COL4A4: variants seen among roughly 807,000 people sequenced by gnomAD.
COL4A4 encodes collagen alpha-4(IV) chain.
In COL4A4, 105 loss-of-function variants were observed where a neutral mutation model predicts 192.9. The ratio of observed to expected loss-of-function variants is 0.54; its 90% CI spans 0.46 to 0.64. COL4A4 has a LOEUF of 0.64. Among genes scored for constraint, COL4A4 ranks in the 30% least tolerant of loss-of-function variants. The probability of loss-of-function intolerance (pLI) is 0.00; values close to 1 mark genes in which losing one functional copy is unlikely to be tolerated. For synonymous variants in COL4A4, 762 were observed against 769.9 expected, an observed-to-expected ratio of 0.99 and a Z score of 0.17; for missense variants, 1,967 against 2,169.3, an observed-to-expected ratio of 0.91 and a Z score of 1.85.
chr2:227,052,445 A>G, intron 31 of COL4A4, 33 bp from the exon 32 acceptor site: 1 of 1,211,836 alleles, frequency 8.3e-7, no homozygotes, highest in Non-Finnish European at 1.2e-6. Context: ...AACAAAATGA[A>G]CAGGAACATC....
chr2:227,118,599 C>G (rs1458563754), intron 7 of COL4A4, 46 bp downstream of exon 7: 2 of 1,363,440 alleles, frequency 1.5e-6, no homozygotes, highest in Admixed American at 3.4e-5. Context: ...CACCACAGGG[C>G]CTGTTCACTT....
At chr2:226,996,882 T>C in the COL4A4 span, 2 of 152,118 alleles carry the variant, frequency 1.3e-5, no homozygotes, top group African/African-American at 4.8e-5. Flanking sequence ...ATTGAGAAAA[T>C]TCACAATATA....
chr2:227,044,477 C>A (rs1457220588), intron 35 of COL4A4, among the ~76,000 whole-genome samples: 4 of 152,116 alleles, frequency 2.6e-5, no homozygotes, highest in Non-Finnish European at 4.4e-5. Flanking sequence ...ACACAGGAAA[C>A]AAGCTTTTGT....
intron 1 of COL4A4, among the ~76,000 whole-genome samples, chr2:227,153,885 T>C (rs1159579697): frequency 6.6e-6 from 1 of 152,148 alleles, no homozygotes; most frequent in Non-Finnish European, 1.5e-5. Context: ...GCTGCCCCAT[T>C]CCTGACATAA....
intron 37 of COL4A4, among the ~76,000 whole-genome samples, chr2:227,041,875 A>G (rs900747654): frequency 6.9e-6 from 1 of 144,592 alleles, no homozygotes; most frequent in African/African-American, 2.7e-5. Context: ...AGAAAGAAAG[A>G]AAGAAAGAAA....
intron 4 of COL4A4, among the ~76,000 whole-genome samples, chr2:227,134,763 T>C (rs1418746527): frequency 1.3e-5 from 2 of 152,276 alleles, no homozygotes; most frequent in Non-Finnish European, 2.9e-5. Context: ...TCACTCACGT[T>C]TGATTTTGGT....
rs1237855107 is a variant in COL4A4, at chr2:227,050,259, TA to T, written c.3151-129del. 1.6e-5 allele frequency: 13 copies of T among 796,266 alleles called. No individual in the cohort carries two copies. The Admixed American group carries it at 2.5e-4, about 15-fold the overall frequency. 49.3% of individuals were successfully genotyped at this position (796,266 alleles called of 1,614,324 possible). A position where few individuals can be genotyped will look rare whatever the true frequency, so the allele number is the denominator to read the frequency against. ...GTAATCTGCAGTGGTAACGAAAGTT[TA>T]AATGCATGCAAGCCTCCCACTACAT... On this transcript the variant is annotated intron_variant, in intron 33 of 47. Transcript: ENST00000396625.
rs1040877642 is a variant in COL4A4, at chr2:227,006,873, C to G, written c.*452G>C. 2 of 163,340 alleles carry G rather than the reference C, an allele frequency of 1.2e-5. No individual in the cohort carries two copies. Among genetic ancestry groups the G allele is most frequent in the Admixed American group, 5.7e-5 (1 of 17,502 alleles). 10.1% of individuals were successfully genotyped at this position (163,340 alleles called of 1,614,324 possible). ...AATCATTTTGAAATGTTGAAAATCT[C>G]TGCTTTCTAGTTTCATTCATTGACC... On this transcript the variant is annotated 3_prime_UTR_variant, in exon 48 of 48. Coordinates refer to ENST00000396625, the MANE Select transcript of COL4A4 (RefSeq NM_000092.5).
chr2:226,994,453 G>A, the COL4A4 span, among the ~76,000 whole-genome samples: 3 of 152,208 alleles, frequency 2.0e-5, no homozygotes, highest in African/African-American at 7.2e-5. Flanking sequence ...GTTCTATCGG[G>A]GTTGACCTAG....
At chr2:226,995,817 C>G in the COL4A4 span, 9 of 384,158 alleles carry the variant, frequency 2.3e-5, no homozygotes, top group Non-Finnish European at 3.7e-5. Flanking sequence ...GCCTCTGCCT[C>G]GGTCTGCTTT....
downstream of COL4A4, chr2:226,998,629 C>T (rs1179330063): frequency 1.3e-5 from 2 of 152,028 alleles, no homozygotes. Flanking sequence ...CACAGACTCT[C>T]AGCTTAGAGA....
intron 16 of COL4A4, 23 bp from the exon 17 acceptor site, chr2:227,101,580 C>T (rs1259670203): frequency 2.0e-6 from 3 of 1,515,920 alleles, no homozygotes; most frequent in South Asian, 1.1e-5. Flanking sequence ...ACAAACATGC[C>T]TTAAAAAAAA....
rs530205499 is a variant in COL4A4, at chr2:227,105,874, T to A, written c.736-1822A>T. 1.3e-5 allele frequency among the ~76,000 whole-genome samples: 2 copies of A among 152,244 alleles called. 1 individual carries two copies. Among genetic ancestry groups the A allele is most frequent in the South Asian group, 4.1e-4 (2 of 4,824 alleles). On this transcript the variant is annotated intron_variant, in intron 12 of 47. Transcript: ENST00000396625. ...CTTGAAACCTCATTTTTCTTCTCTG[T>A]GAAATGGAGATTGTAATATTACCTA...
At chr2:226,994,004 C>A in the COL4A4 span, among the ~76,000 whole-genome samples, 1 of 152,182 alleles carries the variant, frequency 6.6e-6, no homozygotes, top group Non-Finnish European at 1.5e-5. Flanking sequence ...CCTTCCCAGC[C>A]AGGCTAGTGC....
At chr2:227,046,979 T>C (rs1973017351) in intron 35 of COL4A4, among the ~76,000 whole-genome samples, 1 of 152,096 alleles carries the variant, frequency 6.6e-6, no homozygotes, top group Non-Finnish European at 1.5e-5. Flanking sequence ...TTTGGTTTGA[T>C]TTTTAGTAAA....
intron 4 of COL4A4, 103 bp downstream of exon 4, chr2:227,140,058 C>A (rs139086926): frequency 1.1e-6 from 1 of 949,058 alleles, no homozygotes; most frequent in Admixed American, 1.9e-5. Context: ...TAAACATTAT[C>A]GAGGACTAAA....
intron 2 of COL4A4, among the ~76,000 whole-genome samples, chr2:227,144,887 G>A (rs1397852312): frequency 6.6e-6 from 1 of 152,182 alleles, no homozygotes; most frequent in Non-Finnish European, 1.5e-5. Context: ...AACTGCAGGA[G>A]AGAAGGAAGG....
rs1222344668 is a variant in COL4A4, at chr2:227,004,058, G to GA, written c.*3266dup. 1 of 152,132 alleles carries GA rather than the reference G, an allele frequency of 6.6e-6. No homozygotes were observed. Among genetic ancestry groups the GA allele is most frequent in the South Asian group, 2.1e-4 (1 of 4,816 alleles). The allele number at this position is 152,132 out of a possible 1,614,324, so 9.4% of individuals were successfully genotyped here. A position where few individuals can be genotyped will look rare whatever the true frequency, so the allele number is the denominator to read the frequency against. ...TAATGATGTTTATGGAATTGTCATT[G>GA]AAAAAAATGAATTGGCAGTAATGTG... is the stretch of plus-strand genomic sequence containing the variant. On this transcript the variant is annotated 3_prime_UTR_variant, in exon 48 of 48. Transcript: ENST00000396625.
At chr2:227,140,918 CACA>C (rs1559725996) in intron 3 of COL4A4, among the ~76,000 whole-genome samples, 159 of 146,384 alleles carry the variant, frequency 1.1e-3, no homozygotes, top group African/African-American at 3.8e-3. Flanking sequence ...CACACACACA[CACA>C]CCCTTTAGGA....
Sources: allele counts gnomAD v4.1 joint callset (sites outside exome capture counted in the v4.1 genomes callset), GRCh38; gene constraint gnomAD v4.1.1; transcripts MANE v1.5; gene names NCBI Gene and HGNC (gene_info 2026-07-23, HGNC 2026-07-21).